EPS15: variants seen among roughly 807,000 people sequenced by gnomAD.
EPS15 encodes the protein epidermal growth factor receptor pathway substrate 15, also known as epidermal growth factor receptor substrate 15.
Under a neutral mutation model 113.8 loss-of-function variants are expected in EPS15, and 72 were observed. That is an observed-to-expected ratio of 0.63 (90% CI 0.52 to 0.77). The LOEUF is 0.77. EPS15 is among the 30% of genes least tolerant of loss of function. The pLI, the probability that EPS15 is intolerant of heterozygous loss-of-function variation, is 0.00. For synonymous variants in EPS15, 344 were observed against 363.4 expected (o/e 0.95, Z 0.61); for missense variants, 1,048 against 1,045.8 (o/e 1.00, Z -0.03).
At chr1:51,376,678 C>CA (rs1214379882) in intron 21 of EPS15, among the ~76,000 whole-genome samples, 3 of 151,880 alleles carry the variant, frequency 2.0e-5, no homozygotes, top group Non-Finnish European at 2.9e-5. Flanking sequence ...AACAAACAAA[C>CA]AAAAAAACCC....
chr1:51,500,210 T>A (rs1389666515), intron 1 of EPS15, among the ~76,000 whole-genome samples: 1 of 152,238 alleles, frequency 6.6e-6, no homozygotes, highest in Non-Finnish European at 1.5e-5. Flanking sequence ...GATACTTGAG[T>A]TATTTCTACC....
At position 51,515,487 on chromosome 1, in the gene EPS15, A is replaced by C. The variant is rs549786846; in HGVS notation, c.33+3712T>G. ...ATCCTGTCTCAAAACAAAACAAAAA[A>C]AAAAAAAAATTCTTGCTAAACTAAA... is the stretch of plus-strand genomic sequence containing the variant. On this transcript the variant is annotated intron_variant, in intron 1 of 24. Coordinates refer to ENST00000371733, the MANE Select transcript of EPS15 (RefSeq NM_001981.3). Among the ~76,000 whole-genome samples, 1,268 of 151,978 alleles carry C rather than the reference A, an allele frequency of 8.3e-3. 13 individuals are homozygous for C. The highest frequency in any genetic ancestry group is 0.029 in the African/African-American group (1,218 of 41,388).
chr1:51,408,311 A>G lies in EPS15; in HGVS notation c.1297T>C (p.Leu433=). The change falls in exon 15 of 25, where the codon TTA becomes CTA. Residue 433 remains leucine, a synonymous_variant. Coordinates refer to ENST00000371733, the MANE Select transcript of EPS15 (RefSeq NM_001981.3). ...AQLISSLKAE[L]TSQESQISTY... is the part of the protein sequence containing the mutation. The stretch of plus-strand genomic sequence containing the variant: ...GAGATCTGCGATTCCTGACTAGTTA[A>G]TTCAGCTTTCAGAGAAGAGATCTAT... The G allele has an allele frequency of 9.9e-6, 16 of 1,612,570 alleles. No individual in the cohort carries two copies. Among genetic ancestry groups the G allele is most frequent in the Non-Finnish European group, 1.4e-5 (16 of 1,178,770 alleles).
chr1:51,423,385 G>T, intron 12 of EPS15: 2 of 1,086,366 alleles, frequency 1.8e-6, no homozygotes, highest in Non-Finnish European at 2.3e-6. Flanking sequence ...ACAAAAACAC[G>T]GGGAAAAATT....
At chr1:51,425,119 C>G (rs1307895416) in intron 12 of EPS15, among the ~76,000 whole-genome samples, 1 of 152,138 alleles carries the variant, frequency 6.6e-6, no homozygotes, top group Non-Finnish European at 1.5e-5. Context: ...AGTACCAAAG[C>G]TATAAAGAAC....
chr1:51,367,318 T>C (rs548162606), intron 21 of EPS15, among the ~76,000 whole-genome samples: 5 of 151,806 alleles, frequency 3.3e-5, no homozygotes, highest in East Asian at 1.9e-4. Flanking sequence ...TTGGGAAACA[T>C]AGGTGGGCAG....
chr1:51,505,853 G>A (rs565168547), intron 1 of EPS15, among the ~76,000 whole-genome samples: 22 of 150,158 alleles, frequency 1.5e-4, no homozygotes, highest in Non-Finnish European at 2.4e-4. Flanking sequence ...GTGCAATGGC[G>A]CAATCTTGGC....
At chr1:51,385,874 G>C (rs1481403589) in intron 21 of EPS15, among the ~76,000 whole-genome samples, 1 of 152,086 alleles carries the variant, frequency 6.6e-6, no homozygotes, top group Non-Finnish European at 1.5e-5. Flanking sequence ...TTAGGGTTTG[G>C]TGAGAGGGAG....
intron 12 of EPS15, among the ~76,000 whole-genome samples, chr1:51,434,272 A>G: frequency 6.6e-6 from 1 of 152,234 alleles, no homozygotes; most frequent in East Asian, 1.9e-4. Context: ...TATTCATAAT[A>G]GCTAAAATGT....
chr1:51,376,114 T>G (rs1646791548), intron 21 of EPS15, among the ~76,000 whole-genome samples: 1 of 152,178 alleles, frequency 6.6e-6, no homozygotes, highest in Admixed American at 6.5e-5. Flanking sequence ...TAAAGAGAAG[T>G]CAATGTCTGG....
At position 51,371,523 on chromosome 1, in the gene EPS15, G is replaced by GA. The variant is rs56992324; in HGVS notation, c.2120-5495dup. On this transcript the variant is annotated intron_variant, in intron 21 of 24. Coordinates refer to ENST00000371733, the MANE Select transcript of EPS15 (RefSeq NM_001981.3). ...AAAGTTTAAAAGTTAAAAAAAAAAA[G>GA]AAAAAAAAAATTTAAAAGTAGGCAA... Among the ~76,000 whole-genome samples, 1,194 of 144,994 alleles carry GA rather than the reference G, an allele frequency of 8.2e-3. 11 individuals carry two copies. Among genetic ancestry groups the GA allele is most frequent in the African/African-American group, 0.03 (1,151 of 38,666 alleles).
At chr1:51,408,688 C>T (rs1235753496) in intron 14 of EPS15, among the ~76,000 whole-genome samples, 2 of 152,100 alleles carry the variant, frequency 1.3e-5, no homozygotes, top group Non-Finnish European at 1.5e-5. Context: ...GGCACGATCA[C>T]AGCTCACTTC....
At chr1:51,486,422 T>G (rs1221077232) in intron 1 of EPS15, among the ~76,000 whole-genome samples, 2 of 21,282 alleles carry the variant, frequency 9.4e-5, no homozygotes, top group Admixed American at 7.4e-4. Flanking sequence ...CGAGACTGCA[T>G]CTCAAAAAAA....
intron 1 of EPS15, among the ~76,000 whole-genome samples, chr1:51,494,011 G>A (rs963945933): frequency 1.6e-4 from 25 of 152,106 alleles, no homozygotes; most frequent in Middle Eastern, 3.4e-3. Flanking sequence ...AGGCTTTGAT[G>A]GCTCACTGTC....
chr1:51,425,687 C>G (rs1164834625), intron 12 of EPS15, among the ~76,000 whole-genome samples: 7 of 152,170 alleles, frequency 4.6e-5, no homozygotes, highest in Admixed American at 4.6e-4. Context: ...AAATCTAGCT[C>G]TTCTGAGAAA....
chr1:51,465,206 G>A (rs909947069), intron 6 of EPS15, 55 bp downstream of exon 6: 2 of 1,064,778 alleles, frequency 1.9e-6, no homozygotes, highest in African/African-American at 3.2e-5. Context: ...GAGGTAGAGA[G>A]AGAGTAGATA....
intron 13 of EPS15, among the ~76,000 whole-genome samples, chr1:51,410,445 A>G (rs1649603088): frequency 6.6e-6 from 1 of 152,154 alleles, no homozygotes; most frequent in Non-Finnish European, 1.5e-5. Context: ...CCTGAATGTA[A>G]AAGTCTAACT....
At chr1:51,395,082 A>T (rs1260899720) in intron 20 of EPS15, among the ~76,000 whole-genome samples, 1 of 151,998 alleles carries the variant, frequency 6.6e-6, no homozygotes, top group Non-Finnish European at 1.5e-5. Context: ...GTTTTCCTCA[A>T]ATCCTGGCCT....
chr1:51,473,220 T>C (rs1304565489), intron 2 of EPS15, among the ~76,000 whole-genome samples: 2 of 152,184 alleles, frequency 1.3e-5, no homozygotes, highest in Admixed American at 6.6e-5. Flanking sequence ...AGCAAATTCG[T>C]GGGGTTGTAA....
Sources: allele counts gnomAD v4.1 joint callset (sites outside exome capture counted in the v4.1 genomes callset), GRCh38; gene constraint gnomAD v4.1.1; transcripts MANE v1.5; gene names NCBI Gene and HGNC (gene_info 2026-07-23, HGNC 2026-07-21).